Variants in NTM observed in about 807,000 individuals in gnomAD.
The protein encoded by NTM is neurotrimin.
NTM carries 13 observed loss-of-function variants against 42.1 expected under a neutral mutation model. That is an observed-to-expected ratio of 0.31 (90% CI 0.20 to 0.49). The LOEUF is 0.49. Ranked by LOEUF, NTM falls within the 20% of genes least tolerant of loss-of-function variation. The pLI is 0.99. For synonymous variants in NTM, 187 were observed against 179.2 expected (o/e 1.04, Z -0.35); for missense variants, 373 against 452.8 (o/e 0.82, Z 1.60).
intron 3 of NTM, among the ~76,000 whole-genome samples, chr11:132,200,225 C>T (rs2080943956): frequency 6.6e-6 from 1 of 152,150 alleles, no homozygotes; most frequent in South Asian, 2.1e-4. Context: ...GGACCACCTC[C>T]CAGGATTCAA....
chr11:131,379,173 C>G (rs183627603), intron 1 of NTM, among the ~76,000 whole-genome samples: 2 of 152,324 alleles, frequency 1.3e-5, no homozygotes, highest in Admixed American at 1.3e-4. Context: ...GGGAGGGAGG[C>G]TCAGAGGGAC....
At chr11:131,657,467 C>T (rs186183440) in intron 1 of NTM, among the ~76,000 whole-genome samples, 8 of 152,334 alleles carry the variant, frequency 5.3e-5, no homozygotes, top group African/African-American at 1.4e-4. Flanking sequence ...GCCTCTTCTT[C>T]GAAGTTTTTG....
chr11:131,464,821 G>A (rs747899991), intron 1 of NTM, among the ~76,000 whole-genome samples: 11 of 152,214 alleles, frequency 7.2e-5, no homozygotes, highest in Non-Finnish European at 1.5e-4. Flanking sequence ...TGCTTAGAAA[G>A]TTGGTCGGAT....
At chr11:131,511,086 G>T (rs1486430959) in intron 1 of NTM, among the ~76,000 whole-genome samples, 8 of 152,230 alleles carry the variant, frequency 5.3e-5, no homozygotes, top group Admixed American at 4.6e-4. Context: ...CCTCTTCAGG[G>T]CTGTTGGCCA....
chr11:131,976,690 T>TGAGATCC (rs2064434796), intron 2 of NTM, among the ~76,000 whole-genome samples: 1 of 152,208 alleles, frequency 6.6e-6, no homozygotes, highest in Non-Finnish European at 1.5e-5. Flanking sequence ...TCTGGAGTTC[T>TGAGATCC]GAGATCCATA....
intron 1 of NTM, among the ~76,000 whole-genome samples, chr11:131,474,213 T>C (rs1952705216): frequency 6.6e-6 from 1 of 152,142 alleles, no homozygotes; most frequent in African/African-American, 2.4e-5. Context: ...TCTGAACATA[T>C]CCACATCTCT....
intron 1 of NTM, among the ~76,000 whole-genome samples, chr11:131,400,504 T>C (rs1267547984): frequency 6.6e-6 from 1 of 152,200 alleles, no homozygotes; most frequent in East Asian, 1.9e-4. Flanking sequence ...CCACTTACTG[T>C]GTGACCTTCA....
chr11:131,749,925 G>A (rs1483953411), intron 1 of NTM, among the ~76,000 whole-genome samples: 1 of 152,166 alleles, frequency 6.6e-6, no homozygotes, highest in Non-Finnish European at 1.5e-5. Context: ...CCTGTCAGCT[G>A]TGCAGGGCAG....
intron 1 of NTM, among the ~76,000 whole-genome samples, chr11:131,508,478 G>A (rs1279118286): frequency 8.5e-5 from 12 of 141,054 alleles, no homozygotes; most frequent in African/African-American, 1.9e-4. Context: ...TCAGTGTGGC[G>A]ATTCCTCAGG....
intron 2 of NTM, among the ~76,000 whole-genome samples, chr11:132,070,348 A>C (rs2057362223): frequency 7.1e-6 from 1 of 140,990 alleles, no homozygotes; most frequent in African/African-American, 2.6e-5. Flanking sequence ...ACACAGCCAA[A>C]ACACGTCAAA....
chr11:132,238,757 G>T (rs996569411), intron 4 of NTM, among the ~76,000 whole-genome samples: 1 of 152,138 alleles, frequency 6.6e-6, no homozygotes, highest in African/African-American at 2.4e-5. Flanking sequence ...TTACATTCTT[G>T]CTGTAAGCTG....
At chr11:131,556,081 T>C (rs1766788619) in intron 1 of NTM, among the ~76,000 whole-genome samples, 2 of 152,184 alleles carry the variant, frequency 1.3e-5, no homozygotes, top group Admixed American at 6.5e-5. Context: ...TTCTGAGAGC[T>C]GTCATGGTGG....
chr11:131,795,476 T>C (rs1193995228), intron 1 of NTM: 158 of 985,306 alleles, frequency 1.6e-4, no homozygotes, highest in Non-Finnish European at 1.9e-4. Flanking sequence ...AAATGATACC[T>C]GGTTGCCTCC....
chr11:131,938,457 G>A (rs2059458346), intron 2 of NTM, among the ~76,000 whole-genome samples: 1 of 152,246 alleles, frequency 6.6e-6, no homozygotes, highest in African/African-American at 2.4e-5. Flanking sequence ...TGCTAAGCAT[G>A]AGAGCACTGC....
intron 1 of NTM, among the ~76,000 whole-genome samples, chr11:131,477,299 C>T (rs1451965817): frequency 5.3e-5 from 8 of 152,106 alleles, no homozygotes; most frequent in Admixed American, 5.2e-4. Flanking sequence ...AGTGAAGAAA[C>T]CCATCCAGAT....
At chr11:131,864,230 G>A (rs1359158253) in intron 1 of NTM, among the ~76,000 whole-genome samples, 2 of 152,260 alleles carry the variant, frequency 1.3e-5, no homozygotes, top group African/African-American at 4.8e-5. Context: ...GCAATCCAAC[G>A]AAAGACGAAA....
intron 2 of NTM, among the ~76,000 whole-genome samples, chr11:132,128,800 C>A (rs529266692): frequency 1.3e-5 from 2 of 151,174 alleles, no homozygotes; most frequent in African/African-American, 2.4e-5. Context: ...TAGCCGAGTG[C>A]GGTGGCGGGC....
intron 2 of NTM, among the ~76,000 whole-genome samples, chr11:132,025,721 G>T (rs2075078931): frequency 6.6e-6 from 1 of 152,190 alleles, no homozygotes; most frequent in East Asian, 1.9e-4. Context: ...TGTGGCCTGA[G>T]CTGAAGATGA....
At chr11:131,503,017 C>G (rs2047027495) in intron 1 of NTM, 1 of 152,398 alleles carries the variant, frequency 6.6e-6, no homozygotes, top group African/African-American at 2.4e-5. Flanking sequence ...AAACAGACAA[C>G]TTTCTCAGGG....
Sources: allele counts gnomAD v4.1 joint callset (sites outside exome capture counted in the v4.1 genomes callset), GRCh38; gene constraint gnomAD v4.1.1; transcripts MANE v1.5; gene names NCBI Gene and HGNC (gene_info 2026-07-23, HGNC 2026-07-21).